Variants in UNC13A observed in about 807,000 individuals in gnomAD.
UNC13A encodes unc-13 homolog A.
UNC13A carries 61 observed loss-of-function variants against 219.7 expected under a neutral mutation model. That is an observed-to-expected ratio of 0.28 (90% CI 0.23 to 0.34). UNC13A has a LOEUF of 0.34. UNC13A is among the 10% of genes least tolerant of loss of function. UNC13A has a pLI of 1.00. For synonymous variants in UNC13A, 920 were observed against 884.6 expected (o/e 1.04, Z -0.71); for missense variants, 1,476 against 2,270.3 (o/e 0.65, Z 7.11).
rs2076496050 is a variant in UNC13A, at chr19:17,604,101, C to T, written c.*1953G>A. The T allele has an allele frequency of 6.6e-6, 1 of 152,192 alleles. No individual in the cohort carries two copies. Among genetic ancestry groups the T allele is most frequent in the Non-Finnish European group, 1.5e-5 (1 of 68,062 alleles). 9.4% of individuals were successfully genotyped at this position (152,192 alleles called of 1,614,324 possible). ...TGCTGGGATTATAGTCATGTCCCCA[C>T]AGCTATAGGTGTCTTTTCAACACAG... On this transcript the variant is annotated 3_prime_UTR_variant, in exon 44 of 44. Coordinates refer to ENST00000519716, the MANE Select transcript of UNC13A (RefSeq NM_001080421.3).
chr19:17,666,199 T>C (rs141354980), intron 7 of UNC13A, among the ~76,000 whole-genome samples: 7 of 144,054 alleles, frequency 4.9e-5, no homozygotes, highest in East Asian at 4.0e-4. Context: ...CTTTCTCTCT[T>C]TCTTTCTCTT....
At chr19:17,675,269 G>C (rs1055626734) in intron 2 of UNC13A, among the ~76,000 whole-genome samples, 6 of 151,978 alleles carry the variant, frequency 3.9e-5, no homozygotes, top group African/African-American at 1.5e-4. Flanking sequence ...GGGAGGTTGA[G>C]GCTGTAGTAA....
At chr19:17,661,702 G>GA (rs1363132220) in intron 8 of UNC13A, among the ~76,000 whole-genome samples, 1 of 151,528 alleles carries the variant, frequency 6.6e-6, no homozygotes, top group Non-Finnish European at 1.5e-5. Context: ...TCAAAAAAAA[G>GA]AAAAAAGAAA....
rs377533046 is a variant in UNC13A, at chr19:17,657,817, C to T, written c.767+245G>A. Among the ~76,000 whole-genome samples, 15 of 148,578 alleles carry T rather than the reference C, an allele frequency of 1.0e-4. No homozygotes were observed. In the East Asian group the frequency reaches 1.2e-3, roughly 12 times the overall value. On this transcript the variant is annotated intron_variant, in intron 9 of 43. Transcript: ENST00000519716. ...CTGGGTGGTGGAGGTTGCAGTGAGC[C>T]GAAATGGTGCCACTGCACTCCAGCC...
intron 41 of UNC13A, chr19:17,616,505 G>A: frequency 3.0e-6 from 2 of 655,792 alleles, no homozygotes; most frequent in Non-Finnish European, 5.6e-6. Context: ...GAGGTGGGAA[G>A]CATGGGGAGC....
chr19:17,684,471 CATAAATAAA>C (rs1420849065), intron 1 of UNC13A, among the ~76,000 whole-genome samples: 1 of 152,168 alleles, frequency 6.6e-6, no homozygotes, highest in Non-Finnish European at 1.5e-5. Context: ...ATGCTTGTTG[CATAAATAAA>C]ATAAGTGACT....
At chr19:17,680,429 G>A (rs2145926434) in intron 1 of UNC13A, among the ~76,000 whole-genome samples, 1 of 152,324 alleles carries the variant, frequency 6.6e-6, no homozygotes. Flanking sequence ...ACAGGGGGGC[G>A]GGGATGAGGG....
chr19:17,666,136 C>T (rs367682481), intron 7 of UNC13A, among the ~76,000 whole-genome samples: 38,119 of 112,492 alleles, frequency 0.34, 6,058 homozygotes, highest in South Asian at 0.47. Context: ...CTTTCTTTTT[C>T]TTTCTTTCTT....
In UNC13A at chr19:17,606,232, T is replaced by C. The variant is rs2076526708; in HGVS notation, c.4934A>G (p.Gln1645Arg). The C allele has an allele frequency of 6.5e-7, 1 of 1,550,364 alleles. No homozygotes were observed. Among genetic ancestry groups the C allele is most frequent in the African/African-American group, 1.4e-5 (1 of 72,238 alleles). ...CAGCCAGCAGGCGGCGCTCCCGCGCTGGGCCAGCTCACGCAGCTGCAGCAC... is the reference window on the plus strand; with the variant it reads ...CAGCCAGCAGGCGGCGCTCCCGCGCCGGGCCAGCTCACGCAGCTGCAGCAC... ...LAVLQLRELAQRGSAACWLPL... is the reference protein window; with the variant it reads ...LAVLQLRELARRGSAACWLPL... The change falls in exon 44 of 44, where the codon CAG becomes CGG. Residue 1645 changes from glutamine to arginine, a missense_variant. Coordinates refer to ENST00000519716, the MANE Select transcript of UNC13A (RefSeq NM_001080421.3).
At chr19:17,656,468 G>A (rs1286022344) in intron 9 of UNC13A, 70 bp from the exon 10 acceptor site, 1 of 1,393,896 alleles carries the variant, frequency 7.2e-7, no homozygotes, top group African/African-American at 1.4e-5. Context: ...CAGTCACACA[G>A]GCATTGACTC....
In UNC13A at chr19:17,626,826, C is replaced by A. The variant is rs765337629; in HGVS notation, c.3921-41G>T. ...GGAAGGGCTCAGACCACAGGAAGGG[C>A]TGGATGAGGACACAGATGCTGATCT... On this transcript the variant is annotated intron_variant, in intron 33 of 43. Coordinates refer to ENST00000519716, the MANE Select transcript of UNC13A (RefSeq NM_001080421.3). 7 of 1,582,622 alleles carry A rather than the reference C, an allele frequency of 4.4e-6. No individual in the cohort carries two copies. In the African/African-American group the frequency reaches 9.4e-5, roughly 21 times the overall value.
rs1354395474 is a variant in UNC13A at position 17,656,137 on chromosome 19, C to A, written c.1029G>T (p.Glu343Asp). Residue 343 changes from glutamate to aspartate, a missense_variant, in exon 10 of 44, where the codon GAG becomes GAT. This residue lies in a region of UNC13A where 351 missense variants were observed against 342.6 expected (regional missense o/e 1.02). Coordinates refer to ENST00000519716, the MANE Select transcript of UNC13A (RefSeq NM_001080421.3). Reference protein sequence around the residue: ...EEEELPEDEEELEEEEEEVPD... With the variant: ...EEEELPEDEEDLEEEEEEVPD... ...GCACCTCCTCCTCCTCCTCCTCCAG[C>A]TCCTCCTCATCTTCAGGCAGCTCCT... is the stretch of plus-strand genomic sequence containing the variant. The A allele has an allele frequency of 1.9e-6, 3 of 1,552,200 alleles. No individual in the cohort carries two copies. In the Admixed American group the frequency reaches 5.9e-5, roughly 30 times the overall value.
At chr19:17,636,235 G>A in intron 25 of UNC13A, 78 bp from the exon 26 acceptor site, 1 of 1,450,748 alleles carries the variant, frequency 6.9e-7, no homozygotes, top group Non-Finnish European at 9.3e-7. Flanking sequence ...TGAAGAACAA[G>A]AGGTTTTAGA....
In UNC13A at chr19:17,630,155, C is replaced by T. The variant is rs950847565; in HGVS notation, c.3659G>A (p.Arg1220His). The T allele has an allele frequency of 3.2e-6, 5 of 1,551,952 alleles. No individual in the cohort carries two copies. Among genetic ancestry groups the T allele is most frequent in the Non-Finnish European group, 4.4e-6 (5 of 1,147,054 alleles). Residue 1220 changes from arginine (R) to histidine (H), a missense_variant, in exon 30 of 44, where the codon CGC (arginine) becomes CAC (histidine). Arg to His is a conservative substitution (Grantham distance 29). Coordinates refer to ENST00000519716, the MANE Select transcript of UNC13A (RefSeq NM_001080421.3). ...DPQIVGHYMR[R>H]FAKTISNVLL... Reference sequence around the variant, plus strand: ...CCCACTCTCCCACACCTTGGCAAAGCGCCTCATGTAGTGCCCCACGATCTG... The same window carrying T: ...CCCACTCTCCCACACCTTGGCAAAGTGCCTCATGTAGTGCCCCACGATCTG...
rs779893416 is a variant in UNC13A, at chr19:17,626,743, G to T, written c.3963C>A (p.Asp1321Glu). 4 of 1,612,372 alleles carry T rather than the reference G, an allele frequency of 2.5e-6. No homozygotes were observed. Among genetic ancestry groups the T allele is most frequent in the Non-Finnish European group, 3.4e-6 (4 of 1,179,352 alleles). ...CTGTGCCCTTAACCTGGCTAAGGAT[G>T]TCACCCATCTGTTTGACACACTCTT... ...HIEECVKQMG[D>E]ILSQVKGTGN... Residue 1321 changes from aspartate (D) to glutamate (E), a missense_variant, in exon 34 of 44, where the codon GAC becomes GAA. By Grantham distance (45) the Asp-to-Glu change is conservative. Around this residue, in one of 14 missense-constraint regions of UNC13A, gnomAD observed 218 missense variants for 409.4 expected, o/e 0.53. Coordinates refer to ENST00000519716, the MANE Select transcript of UNC13A (RefSeq NM_001080421.3).
intron 7 of UNC13A, among the ~76,000 whole-genome samples, chr19:17,666,114 C>CTTT (rs1209422799): frequency 0.065 from 1,151 of 17,630 alleles, 16 homozygotes; most frequent in African/African-American, 0.2. Context: ...CTTTTCTTTT[C>CTTT]TCTTTTCTTT....
chr19:17,687,149 G>A (rs2080129124), intron 1 of UNC13A, among the ~76,000 whole-genome samples: 1 of 152,196 alleles, frequency 6.6e-6, no homozygotes, highest in Non-Finnish European at 1.5e-5. Context: ...CCTGGGTTCG[G>A]TTGGGCTGGC....
At chr19:17,638,925 C>A (rs532108018) in intron 25 of UNC13A, among the ~76,000 whole-genome samples, 158 bp downstream of exon 25, 1 of 152,240 alleles carries the variant, frequency 6.6e-6, no homozygotes, top group Admixed American at 6.5e-5. Context: ...CTCATGAACT[C>A]TTCTCCCTAA....
chr19:17,661,462 G>T (rs942680458), intron 8 of UNC13A, among the ~76,000 whole-genome samples: 1 of 152,090 alleles, frequency 6.6e-6, no homozygotes, highest in Non-Finnish European at 1.5e-5. Context: ...GGGAGGCCAA[G>T]GCGGGAGGAT....
Sources: allele counts gnomAD v4.1 joint callset (sites outside exome capture counted in the v4.1 genomes callset), GRCh38; gene constraint gnomAD v4.1.1; regional missense constraint gnomAD v4.1.1; transcripts MANE v1.5; gene names NCBI Gene and HGNC (gene_info 2026-07-23, HGNC 2026-07-21).